Variants in UGT2B4 observed in about 807,000 individuals in gnomAD.
The protein encoded by UGT2B4 is UDP-glucuronosyltransferase 2B4.
UGT2B4 carries 49 observed loss-of-function variants against 49.8 expected under a neutral mutation model. That is an observed-to-expected ratio of 0.98 (90% confidence interval 0.78 to 1.25). The LOEUF is 1.25. Among genes scored for constraint, UGT2B4 ranks in the 50% most tolerant of loss-of-function variants. UGT2B4 has a pLI of 0.00. For synonymous variants in UGT2B4, 246 were observed against 217.7 expected (o/e 1.13, Z -1.14); for missense variants, 729 against 627.7 (o/e 1.16, Z -1.73).
rs930368025 is a variant in UGT2B4 at position 69,510,480 on chromosome 4, T to G, written c.-105-14514A>C. 6.0e-5 allele frequency among the ~76,000 whole-genome samples: 9 copies of G among 149,366 alleles called. No individual in the cohort carries two copies. In the East Asian group the frequency reaches 1.6e-3, roughly 27 times the overall value. The stretch of plus-strand genomic sequence containing the variant: ...CATGAATGTTTAAACAGTATTGTTT[T>G]TCTGTCAACATACCTTTCCAAAATA... On this transcript the variant is annotated intron_variant, in intron 1 of 1. Transcript: ENST00000510114.
intron 1 of UGT2B4, among the ~76,000 whole-genome samples, chr4:69,503,264 G>A (rs1297026094): frequency 1.3e-5 from 2 of 152,148 alleles, no homozygotes; most frequent in Non-Finnish European, 2.9e-5. Context: ...TTACAGGGTA[G>A]TCTTTGGTGC....
rs1728117248 is a variant in UGT2B4, at chr4:69,495,281, A to C, written c.581T>G (p.Val194Gly). ...ACTTAGTTCTGACATAACAACAGGC[A>C]CATAGGAAGGAGGGAACAGAAGTCC... The part of the protein sequence containing the change: ...SGGLLFPPSY[V>G]PVVMSELSDQ... Residue 194 changes from valine to glycine, a missense_variant, in exon 1 of 6, where the codon GTG becomes GGG. Coordinates refer to ENST00000305107, the MANE Select transcript of UGT2B4 (RefSeq NM_021139.3). 6.2e-7 allele frequency: 1 copy of C among 1,613,506 alleles called. No homozygotes were observed. Among genetic ancestry groups the C allele is most frequent in the African/African-American group, 1.3e-5 (1 of 75,026 alleles).
At chr4:69,510,324 T>C (rs1037992224) in intron 1 of UGT2B4, among the ~76,000 whole-genome samples, 1 of 152,202 alleles carries the variant, frequency 6.6e-6, no homozygotes, top group Non-Finnish European at 1.5e-5. Flanking sequence ...CAAGATTGTT[T>C]CAGCTCCTTC....
chr4:69,489,716 T>G (rs1184565409), intron 2 of UGT2B4, 146 bp from the exon 3 acceptor site: 1 of 1,147,444 alleles, frequency 8.7e-7, no homozygotes, highest in African/African-American at 1.6e-5. Flanking sequence ...AATTACTCAG[T>G]TTTTTTTGCA....
intron 1 of UGT2B4, among the ~76,000 whole-genome samples, chr4:69,502,226 A>T (rs1728358847): frequency 8.5e-6 from 1 of 117,420 alleles, no homozygotes; most frequent in African/African-American, 3.2e-5. Context: ...TGTTCATTGT[A>T]TTTGTTTTAT....
At chr4:69,497,044 C>T (rs529432396), upstream of UGT2B4, among the ~76,000 whole-genome samples, 42 of 151,866 alleles carry the variant, frequency 2.8e-4, no homozygotes, top group African/African-American at 9.4e-4. Flanking sequence ...AGTTTTTTGG[C>T]TATTGTCTTA....
In UGT2B4 at chr4:69,510,982, C is replaced by CTTTTTTTTTTTT. The variant is rs1259714505; in HGVS notation, c.-106+14704_-106+14705insAAAAAAAAAAAA. 9.5e-4 allele frequency among the ~76,000 whole-genome samples: 105 copies of CTTTTTTTTTTTT among 110,904 alleles called. 2 individuals carry two copies. The highest frequency in any genetic ancestry group is 1.3e-3 in the Non-Finnish European group (72 of 56,294). 72.8% of individuals were successfully genotyped at this position (110,904 alleles called of 152,430 possible). On this transcript the variant is annotated intron_variant, in intron 1 of 1. Transcript: ENST00000510114. ...GCTTTTCATAAATACTCTTTCTTTTCTTTTCTTCTTTTTTTTTTTTTTTTT... is the reference window on the plus strand; with the variant it reads ...GCTTTTCATAAATACTCTTTCTTTTCTTTTTTTTTTTTTTTTCTTCTTTTTTTTTTTTTTTTT...
intron 1 of UGT2B4, among the ~76,000 whole-genome samples, chr4:69,515,168 G>A (rs1034622365): frequency 6.6e-6 from 1 of 152,140 alleles, no homozygotes; most frequent in Non-Finnish European, 1.5e-5. Flanking sequence ...TGGATCAAGT[G>A]AACCTGATAG....
rs1030517156 is a variant in UGT2B4 at position 69,485,127 on chromosome 4, A to T, written c.1310+81T>A. The T allele has an allele frequency of 2.9e-5, 43 of 1,485,744 alleles. No individual in the cohort carries two copies. The African/African-American group carries it at 4.5e-4, about 16-fold the overall frequency. The allele number at this position is 1,485,744 out of a possible 1,614,324, so 92.0% of individuals were successfully genotyped here. A position where few individuals can be genotyped will look rare whatever the true frequency, so the allele number is the denominator to read the frequency against. On this transcript the variant is annotated intron_variant, in intron 5 of 5. Coordinates refer to ENST00000305107, the MANE Select transcript of UGT2B4 (RefSeq NM_021139.3). ...AATTCTTTCGAAATCAGTCGCTTAT[A>T]AAAAGGATAAAAGTCATACTCACTA...
At chr4:69,503,713 C>T (rs1312778751) in intron 1 of UGT2B4, among the ~76,000 whole-genome samples, 1 of 152,206 alleles carries the variant, frequency 6.6e-6, no homozygotes, top group African/African-American at 2.4e-5. Flanking sequence ...CCTAATCCAA[C>T]ACCACCTCCA....
rs1194840827 is a variant in UGT2B4, at chr4:69,480,473, G to A, written c.*161C>T. 1.9e-6 allele frequency: 2 copies of A among 1,046,384 alleles called. No individual in the cohort carries two copies. Among genetic ancestry groups the A allele is most frequent in the African/African-American group, 3.2e-5 (2 of 61,944 alleles). 64.8% of individuals were successfully genotyped at this position (1,046,384 alleles called of 1,614,324 possible). A position where few individuals can be genotyped will look rare whatever the true frequency, so the allele number is the denominator to read the frequency against. ...CTCCTTGACATGAAATATTTCTAAT[G>A]GTTAAACAGGTACTAAAACAAATTT... On this transcript the variant is annotated 3_prime_UTR_variant, in exon 6 of 6. Transcript: ENST00000305107.
rs577756909 is a variant in UGT2B4 at position 69,507,485 on chromosome 4, T to G, written c.-105-11519A>C. Among the ~76,000 whole-genome samples the G allele has an allele frequency of 2.0e-5, 3 of 151,974 alleles. No homozygotes were observed. In the East Asian group the frequency reaches 5.8e-4, roughly 29 times the overall value. On this transcript the variant is annotated intron_variant, in intron 1 of 1. Coordinates refer to the UGT2B4 transcript ENST00000510114. ...TCATTCACAGTTGCCACAAAAAGAA[T>G]AAAATACCAAGGAATACAGATAGGT... is the stretch of plus-strand genomic sequence containing the variant.
chr4:69,519,389 T>C (rs937408880), intron 1 of UGT2B4, among the ~76,000 whole-genome samples: 2 of 152,214 alleles, frequency 1.3e-5, no homozygotes, highest in East Asian at 3.9e-4. Flanking sequence ...CTTGTGATTA[T>C]TTATTATATC....
At chr4:69,514,786 C>T (rs1410894345) in intron 1 of UGT2B4, among the ~76,000 whole-genome samples, 1 of 152,002 alleles carries the variant, frequency 6.6e-6, no homozygotes, top group Non-Finnish European at 1.5e-5. Flanking sequence ...TTGAACCACC[C>T]TTACAGACAC....
At chr4:69,497,613 G>A (rs1468600616), upstream of UGT2B4, among the ~76,000 whole-genome samples, 3 of 152,162 alleles carry the variant, frequency 2.0e-5, no homozygotes, top group African/African-American at 7.2e-5. Flanking sequence ...GTAAACTGCT[G>A]CAATCTCGTG....
intron 3 of UGT2B4, among the ~76,000 whole-genome samples, chr4:69,488,048 A>G (rs1232175448): frequency 1.3e-5 from 2 of 152,178 alleles, no homozygotes; most frequent in Non-Finnish European, 2.9e-5. Flanking sequence ...GAAGAAGTCA[A>G]TTAATGCTGC....
intron 1 of UGT2B4, 93 bp downstream of exon 1, chr4:69,495,048 C>T (rs1007822433): frequency 1.8e-6 from 2 of 1,140,178 alleles, no homozygotes; most frequent in Non-Finnish European, 2.4e-6. Context: ...ACAAAAATAC[C>T]CCACTACCCT....
At chr4:69,507,865 A>G (rs553832231) in intron 1 of UGT2B4, among the ~76,000 whole-genome samples, 31 of 152,366 alleles carry the variant, frequency 2.0e-4, no homozygotes, top group African/African-American at 7.5e-4. Context: ...AATGACATCT[A>G]ACTAAACTAA....
chr4:69,497,898 A>C (rs1221123046), upstream of UGT2B4, among the ~76,000 whole-genome samples: 1 of 152,232 alleles, frequency 6.6e-6, no homozygotes, highest in East Asian at 1.9e-4. Context: ...TGGATGTGGC[A>C]TATGCCATTG....
Sources: gnomAD v4.1 joint callset for allele counts (sites outside exome capture counted in the v4.1 genomes callset) on GRCh38, gnomAD v4.1.1 for gene constraint, MANE v1.5 for transcripts, NCBI Gene and HGNC (gene_info 2026-07-23, HGNC 2026-07-21) for gene names.